NKAIN2: variants seen among roughly 807,000 people sequenced by gnomAD.
The protein encoded by NKAIN2 is sodium/potassium-transporting ATPase subunit beta-1-interacting protein 2.
NKAIN2 carries 14 observed loss-of-function variants against 32.6 expected under a neutral mutation model. The observed-to-expected ratio is 0.43, with a 90% confidence interval of 0.28 to 0.67. NKAIN2 has a LOEUF of 0.67. Among genes scored for constraint, NKAIN2 ranks in the 30% least tolerant of loss-of-function variants. The pLI is 0.17. For synonymous variants in NKAIN2, 80 were observed against 87.2 expected, an observed-to-expected ratio of 0.92 and a Z score of 0.46; for missense variants, 198 against 258.3, an observed-to-expected ratio of 0.77 and a Z score of 1.60.
At chr6:124,349,182 A>C (rs546628511) in intron 2 of NKAIN2, among the ~76,000 whole-genome samples, 18 of 152,174 alleles carry the variant, frequency 1.2e-4, no homozygotes, top group African/African-American at 4.3e-4. Flanking sequence ...GGTGCAAAGG[A>C]AAAAAGGGAA....
At chr6:124,493,037 C>T (rs1777926374) in intron 3 of NKAIN2, among the ~76,000 whole-genome samples, 2 of 151,598 alleles carry the variant, frequency 1.3e-5, no homozygotes, top group Admixed American at 1.3e-4. Context: ...AGTTATGGCA[C>T]CTATTAATAC....
chr6:124,229,479 CAAAG>C (rs1246357322), intron 1 of NKAIN2, among the ~76,000 whole-genome samples: 1 of 135,066 alleles, frequency 7.4e-6, no homozygotes, highest in Non-Finnish European at 1.6e-5. Context: ...CAAGTATTTT[CAAAG>C]ATAGATAGAT....
chr6:124,047,133 A>G (rs545854454), intron 1 of NKAIN2, among the ~76,000 whole-genome samples: 2 of 151,928 alleles, frequency 1.3e-5, no homozygotes, highest in African/African-American at 2.4e-5. Flanking sequence ...TTTACAATCC[A>G]ATTACTTTAC....
intron 4 of NKAIN2, among the ~76,000 whole-genome samples, chr6:124,775,258 A>G (rs1030310247): frequency 1.3e-5 from 2 of 152,228 alleles, no homozygotes; most frequent in African/African-American, 4.8e-5. Flanking sequence ...GGAACTCAGA[A>G]GTGAGTTTTC....
intron 1 of NKAIN2, among the ~76,000 whole-genome samples, chr6:124,026,484 C>G (rs1781116649): frequency 6.6e-6 from 1 of 152,128 alleles, no homozygotes; most frequent in Non-Finnish European, 1.5e-5. Flanking sequence ...TATTTACTAG[C>G]TAGTATCCTC....
chr6:124,729,798 A>G (rs952109619), intron 4 of NKAIN2, among the ~76,000 whole-genome samples: 2 of 151,960 alleles, frequency 1.3e-5, no homozygotes, highest in Non-Finnish European at 2.9e-5. Context: ...ATGATTGTAT[A>G]TCTAGAAAAC....
chr6:124,324,729 T>A (rs1173911283), intron 2 of NKAIN2, among the ~76,000 whole-genome samples: 1 of 152,032 alleles, frequency 6.6e-6, no homozygotes, highest in African/African-American at 2.4e-5. Flanking sequence ...TTTTATCACA[T>A]TGAGGAAATT....
At chr6:124,184,988 T>G (rs1789640656) in intron 1 of NKAIN2, among the ~76,000 whole-genome samples, 1 of 152,162 alleles carries the variant, frequency 6.6e-6, no homozygotes, top group Non-Finnish European at 1.5e-5. Flanking sequence ...AACATTTTCT[T>G]CATATTCAAA....
intron 4 of NKAIN2, among the ~76,000 whole-genome samples, chr6:124,683,409 A>T (rs370309223): frequency 3.3e-5 from 5 of 152,108 alleles, no homozygotes; most frequent in Non-Finnish European, 7.3e-5. Context: ...AAATTCCTAC[A>T]TTATTTCTCT....
intron 4 of NKAIN2, among the ~76,000 whole-genome samples, chr6:124,731,420 G>C (rs1383207397): frequency 6.6e-6 from 1 of 150,868 alleles, no homozygotes; most frequent in African/African-American, 2.4e-5. Flanking sequence ...GGACATGGAT[G>C]AAATTGGAAA....
intron 4 of NKAIN2, among the ~76,000 whole-genome samples, chr6:124,771,376 T>C (rs1778747562): frequency 6.6e-6 from 1 of 152,172 alleles, no homozygotes; most frequent in Admixed American, 6.5e-5. Flanking sequence ...AAATTGATAA[T>C]TGAACCAACA....
At chr6:123,986,711 T>C (rs1779153705) in intron 1 of NKAIN2, among the ~76,000 whole-genome samples, 1 of 152,168 alleles carries the variant, frequency 6.6e-6, no homozygotes, top group Non-Finnish European at 1.5e-5. Context: ...CATTCACATC[T>C]AAGACTGAAA....
At chr6:124,789,407 G>A (rs781460181) in intron 4 of NKAIN2, among the ~76,000 whole-genome samples, 2 of 152,056 alleles carry the variant, frequency 1.3e-5, no homozygotes, top group Non-Finnish European at 2.9e-5. Context: ...CAATGTGGAG[G>A]AAGAGGTGAA....
chr6:123,825,917 A>G (rs1215310171), intron 1 of NKAIN2, among the ~76,000 whole-genome samples: 1 of 152,158 alleles, frequency 6.6e-6, no homozygotes, highest in Non-Finnish European at 1.5e-5. Context: ...ACTTTTCTGG[A>G]ATACTTAGAT....
chr6:124,001,285 CTG>C (rs1174192425), intron 1 of NKAIN2, among the ~76,000 whole-genome samples: 1 of 151,524 alleles, frequency 6.6e-6, no homozygotes, highest in Admixed American at 6.6e-5. Context: ...GCTCTGAAAA[CTG>C]TGATAACTTG....
chr6:124,158,731 T>A (rs1788115810), intron 1 of NKAIN2, among the ~76,000 whole-genome samples: 1 of 152,320 alleles, frequency 6.6e-6, no homozygotes, highest in Non-Finnish European at 1.5e-5. Flanking sequence ...GACATCCAGT[T>A]AGACAAAACA....
At chr6:124,568,821 G>C (rs1317308891) in intron 3 of NKAIN2, among the ~76,000 whole-genome samples, 1 of 28,800 alleles carries the variant, frequency 3.5e-5, no homozygotes, top group African/African-American at 1.7e-4. Context: ...AAGCACTGTG[G>C]CAAAAAAAAA....
chr6:123,910,497 A>ATTTTTTTTT (rs1775116027), intron 1 of NKAIN2, among the ~76,000 whole-genome samples: 1 of 97,816 alleles, frequency 1.0e-5, no homozygotes, highest in Non-Finnish European at 2.0e-5. Flanking sequence ...CCTGCAATGC[A>ATTTTTTTTT]TGTTTTTTTT....
chr6:124,073,946 G>A (rs918696841), intron 1 of NKAIN2, among the ~76,000 whole-genome samples: 3 of 152,118 alleles, frequency 2.0e-5, no homozygotes, highest in African/African-American at 4.8e-5. Context: ...GGGTCTCTAC[G>A]AACTCCAGGT....
Sources: allele counts gnomAD v4.1 joint callset (sites outside exome capture counted in the v4.1 genomes callset), GRCh38; gene constraint gnomAD v4.1.1; transcripts MANE v1.5; gene names NCBI Gene and HGNC (gene_info 2026-07-23, HGNC 2026-07-21).